The following MINDY4B variants were observed in gnomAD, a reference collection of about 807,000 sequenced individuals.
MINDY4B encodes MINDY family member 4B, also known as inactive ubiquitin carboxyl-terminal hydrolase MINDY-4B.
MINDY4B carries 25 observed loss-of-function variants against 16.7 expected under a neutral mutation model. That is an observed-to-expected ratio of 1.49 (90% confidence interval 1.09 to 2.09). The LOEUF (loss-of-function observed/expected upper bound fraction) is 2.09. Ranked by LOEUF, MINDY4B falls within the 30% of genes most tolerant of loss-of-function variation. The pLI is 0.00. For synonymous variants in MINDY4B, 132 were observed against 61.9 expected (o/e 2.13, Z -5.32); for missense variants, 327 against 168.4 (o/e 1.94, Z -5.21).
chr3:150,897,966 A>G (rs1383095471), intron 3 of MINDY4B, among the ~76,000 whole-genome samples: 1 of 152,180 alleles, frequency 6.6e-6, no homozygotes, highest in Non-Finnish European at 1.5e-5. Flanking sequence ...ACTGCTCCCA[A>G]CTCAAGGGCA....
At position 150,882,980 on chromosome 3, in the gene MINDY4B, T is replaced by C. The variant is rs1028815618; in HGVS notation, c.976A>G (p.Thr326Ala). The change falls in exon 10 of 12, where the codon ACA (threonine) becomes GCA (alanine). Residue 326 changes from threonine (T) to alanine (A), a missense_variant. By Grantham distance (58) the Thr-to-Ala change is moderately conservative (BLOSUM62 0). Transcript: ENST00000465419. ...NGCEEGKSQE[T>A]LHGVLTRSDV... is the part of the protein sequence containing the mutation. The stretch of plus-strand genomic sequence containing the variant: ...CTGCGGGTCAGGACTCCATGTAGTG[T>C]TTCCTGAGACTTTCCTTCCTCACAG... 24 of 702,654 alleles carry C rather than the reference T, an allele frequency of 3.4e-5. No homozygotes were observed. The highest frequency in any genetic ancestry group is 6.2e-5 in the Non-Finnish European group (24 of 384,790). The allele number at this position is 702,654 out of a possible 1,614,324, so 43.5% of individuals were successfully genotyped here.
intron 2 of MINDY4B, among the ~76,000 whole-genome samples, chr3:150,904,856 A>G (rs944553625): frequency 6.6e-6 from 1 of 152,232 alleles, no homozygotes; most frequent in Non-Finnish European, 1.5e-5. Flanking sequence ...TGATACAAAC[A>G]TAGCTCTTAG....
intron 10 of MINDY4B, among the ~76,000 whole-genome samples, chr3:150,878,133 TAAATG>T (rs10589743): frequency 0.017 from 2,616 of 152,170 alleles, 35 homozygotes; most frequent in African/African-American, 0.029. Context: ...ATTCAATAAA[TAAATG>T]AAATGACCCA....
chr3:150,873,655 G>T (rs547363007), intron 10 of MINDY4B, among the ~76,000 whole-genome samples: 1 of 152,272 alleles, frequency 6.6e-6, no homozygotes, highest in African/African-American at 2.4e-5. Flanking sequence ...TTGGCTTTGA[G>T]GCGAAGTGAA....
intron 10 of MINDY4B, among the ~76,000 whole-genome samples, chr3:150,877,858 G>A (rs943702047): frequency 2.0e-5 from 3 of 152,102 alleles, no homozygotes; most frequent in Non-Finnish European, 4.4e-5. Flanking sequence ...ACTGATGATA[G>A]AGTATAATTC....
chr3:150,895,399 A>G (rs960670863), intron 3 of MINDY4B, among the ~76,000 whole-genome samples: 1 of 152,178 alleles, frequency 6.6e-6, no homozygotes, highest in African/African-American at 2.4e-5. Flanking sequence ...CTGCTGAGAA[A>G]TCTGCTGTTA....
At chr3:150,881,974 G>A (rs1711528341) in intron 10 of MINDY4B, among the ~76,000 whole-genome samples, 1 of 152,188 alleles carries the variant, frequency 6.6e-6, no homozygotes, top group African/African-American at 2.4e-5. Flanking sequence ...CGTTTTGAGT[G>A]GGAACCAGGA....
Position 150,887,523 on chromosome 3 carries a change from G to A in MINDY4B, c.754-2085C>T, listed in dbSNP as rs540449589. 2.3e-4 allele frequency among the ~76,000 whole-genome samples: 35 copies of A among 152,298 alleles called. 1 individual carries two copies. The Middle Eastern group carries it at 0.017, about 74-fold the overall frequency. Reference sequence around the variant, plus strand: ...TCTAATGAGGGTAGCTGCCTCTTATGTCAGCTAATTGAGGACATTCAAGAA... The same window carrying A: ...TCTAATGAGGGTAGCTGCCTCTTATATCAGCTAATTGAGGACATTCAAGAA... On this transcript the variant is annotated intron_variant, in intron 7 of 11. Coordinates refer to ENST00000465419, the MANE Select transcript of MINDY4B (RefSeq NM_001351281.2).
chr3:150,899,754 C>G (rs1258193608), intron 3 of MINDY4B, among the ~76,000 whole-genome samples: 2 of 152,166 alleles, frequency 1.3e-5, no homozygotes, highest in African/African-American at 4.8e-5. Flanking sequence ...GACACCCCTA[C>G]TCTAGTCTGA....
Position 150,882,958 on chromosome 3 carries a change from C to G in MINDY4B, c.998G>C (p.Arg333Pro). 1 of 702,796 alleles carries G rather than the reference C, an allele frequency of 1.4e-6. No individual in the cohort carries two copies. Among genetic ancestry groups the G allele is most frequent in the Non-Finnish European group, 2.6e-6 (1 of 384,794 alleles). 43.5% of individuals were successfully genotyped at this position (702,796 alleles called of 1,614,324 possible). Reference protein sequence around the residue: ...SQETLHGVLTRSDVGYLQWGK... With the variant: ...SQETLHGVLTPSDVGYLQWGK... ...CCACTGCAAATAGCCAACATCACTG[C>G]GGGTCAGGACTCCATGTAGTGTTTC... The change falls in exon 10 of 12, where the codon CGC becomes CCC. Residue 333 changes from arginine to proline, a missense_variant. Transcript: ENST00000465419.
chr3:150,893,438 C>A (rs990910736), intron 4 of MINDY4B, 23 bp from the exon 5 acceptor site: 5 of 702,536 alleles, frequency 7.1e-6, no homozygotes, highest in African/African-American at 5.2e-5. Flanking sequence ...GAATGAATGA[C>A]GAGGTGAAGA....
rs1326067441 is a variant in MINDY4B, at chr3:150,883,022, G to A, written c.934C>T (p.Pro312Ser). 1.9e-5 allele frequency: 13 copies of A among 702,054 alleles called. No individual in the cohort carries two copies. The highest frequency in any genetic ancestry group is 3.1e-5 in the Non-Finnish European group (12 of 384,536). 43.5% of individuals were successfully genotyped at this position (702,054 alleles called of 1,614,324 possible). Residue 312 changes from proline to serine, a missense_variant, in exon 10 of 12, where the codon CCC becomes TCC. Coordinates refer to ENST00000465419, the MANE Select transcript of MINDY4B (RefSeq NM_001351281.2). ...LNMILTGRASPNVFNGCEEGK... is the reference protein window; with the variant it reads ...LNMILTGRASSNVFNGCEEGK... ...TCCTCACAGCCATTGAAGACATTGG[G>A]ACTTGCTCTTCCAGTTAAAATCATG...
rs1717010277 is a variant in MINDY4B at position 150,873,215 on chromosome 3, T to C, written c.1212A>G (p.Ser404=). ...TTGTAAGACGCACAAGCTTTTTCTG[T>C]GAGGGTTGGCCACTGTAAAAGTACA... The part of the protein sequence containing the change: ...FDLYFYSGQP[S]QKKLVRLTID... The change falls in exon 11 of 12, where the codon TCA becomes TCG. Residue 404 remains serine, a synonymous_variant. Transcript: ENST00000465419. 1 of 703,018 alleles carries C rather than the reference T, an allele frequency of 1.4e-6. No homozygotes were observed. Among genetic ancestry groups the C allele is most frequent in the Non-Finnish European group, 2.6e-6 (1 of 384,860 alleles). 43.5% of individuals were successfully genotyped at this position (703,018 alleles called of 1,614,324 possible). A position where few individuals can be genotyped will look rare whatever the true frequency, so the allele number is the denominator to read the frequency against.
intron 3 of MINDY4B, chr3:150,901,503 CTTTCTTTTCT>C (rs1038111727): frequency 1.4e-5 from 2 of 146,152 alleles, no homozygotes; most frequent in African/African-American, 5.2e-5. Flanking sequence ...GATAGATTTT[CTTTCTTTTCT>C]TTTCTTTTCT....
chr3:150,900,277 G>T (rs1045537234), intron 3 of MINDY4B, among the ~76,000 whole-genome samples: 1 of 152,214 alleles, frequency 6.6e-6, no homozygotes, highest in African/African-American at 2.4e-5. Flanking sequence ...GGTGCGTAGG[G>T]TGCTTTACCC....
chr3:150,887,503 T>A (rs141326111), intron 7 of MINDY4B, among the ~76,000 whole-genome samples: 299 of 152,326 alleles, frequency 2.0e-3, no homozygotes, highest in Middle Eastern at 6.8e-3. Context: ...ACTTGTCTAA[T>A]GAGGGTAGCT....
rs972300651 is a variant in MINDY4B, at chr3:150,890,850, G to A, written c.687+88C>T. On this transcript the variant is annotated intron_variant, in intron 6 of 11. Coordinates refer to ENST00000465419, the MANE Select transcript of MINDY4B (RefSeq NM_001351281.2). ...CCGGTCACATCAGGAGCATGGATGG[G>A]GCCCCACCTGCATACACATGGTAAG... The A allele has an allele frequency of 4.9e-5, 32 of 656,916 alleles. 1 individual carries two copies. The South Asian group carries it at 5.1e-4, about 11-fold the overall frequency. 40.7% of individuals were successfully genotyped at this position (656,916 alleles called of 1,614,324 possible).
At chr3:150,877,679 C>T (rs1711498918) in intron 10 of MINDY4B, among the ~76,000 whole-genome samples, 1 of 152,116 alleles carries the variant, frequency 6.6e-6, no homozygotes, top group Non-Finnish European at 1.5e-5. Flanking sequence ...TCACCATCAA[C>T]ACAAGCTCAC....
At chr3:150,885,952 C>T (rs1711613232) in intron 7 of MINDY4B, among the ~76,000 whole-genome samples, 1 of 152,178 alleles carries the variant, frequency 6.6e-6, no homozygotes, top group African/African-American at 2.4e-5. Flanking sequence ...ATAAAAAGAA[C>T]TTTTCTCCAG....
Sources: gnomAD v4.1 joint callset for allele counts (sites outside exome capture counted in the v4.1 genomes callset) on GRCh38, gnomAD v4.1.1 for gene constraint, MANE v1.5 for transcripts, NCBI Gene and HGNC (gene_info 2026-07-23, HGNC 2026-07-21) for gene names.